Variants in CACNB2 observed in about 807,000 individuals in gnomAD.
CACNB2 encodes calcium voltage-gated channel auxiliary subunit beta 2, also known as voltage-dependent L-type calcium channel subunit beta-2.
Under a neutral mutation model 73.3 loss-of-function variants are expected in CACNB2, and 42 were observed. That is an observed-to-expected ratio of 0.57 (90% CI 0.45 to 0.74). The LOEUF (loss-of-function observed/expected upper bound fraction) is 0.74, where lower values mean the gene tolerates loss of function less well. Ranked by LOEUF, CACNB2 falls within the 30% of genes least tolerant of loss-of-function variation. The pLI is 0.00. For missense variants in CACNB2, 940 were observed against 853.0 expected (o/e 1.10, Z -1.27); for synonymous variants, 348 against 310.3 (o/e 1.12, Z -1.28).
intron 2 of CACNB2, among the ~76,000 whole-genome samples, chr10:18,344,206 G>A (rs566153924): frequency 8.4e-4 from 127 of 152,018 alleles, no homozygotes; most frequent in Non-Finnish European, 1.4e-3. Flanking sequence ...ATGTCCATAA[G>A]GCCTGGTGGC....
At chr10:18,538,101 C>G in intron 12 of CACNB2, 79 bp from the exon 13 acceptor site, 7 of 1,376,472 alleles carry the variant, frequency 5.1e-6, no homozygotes, top group Non-Finnish European at 7.3e-6. Flanking sequence ...CTCATGAGCC[C>G]CTTCCTCCTC....
In CACNB2 at chr10:18,521,076, G is replaced by T. The variant is rs552676321; in HGVS notation, c.944+2108G>T. Among the ~76,000 whole-genome samples the T allele has an allele frequency of 2.0e-5, 3 of 152,312 alleles. No individual in the cohort carries two copies. The South Asian group carries it at 6.2e-4, about 32-fold the overall frequency. On this transcript the variant is annotated intron_variant, in intron 9 of 13. Transcript: ENST00000324631. ...GTGGCCAGATGAATTTTGAATGAAC[G>T]TCTGCTGCATACTCTCTGCTAGAGA...
intron 2 of CACNB2, among the ~76,000 whole-genome samples, chr10:18,354,466 C>A (rs183928395): frequency 6.6e-6 from 1 of 151,998 alleles, no homozygotes; most frequent in Admixed American, 6.6e-5. Flanking sequence ...GGCAGCCGAG[C>A]GCAAGACAGT....
intron 4 of CACNB2, among the ~76,000 whole-genome samples, chr10:18,499,121 T>C (rs1287829837): frequency 6.6e-6 from 1 of 152,216 alleles, no homozygotes; most frequent in African/African-American, 2.4e-5. Context: ...GCCTGCCTTG[T>C]GGAGCACTGT....
chr10:18,153,642 C>A (rs996293539), intron 2 of CACNB2, among the ~76,000 whole-genome samples: 3 of 149,848 alleles, frequency 2.0e-5, no homozygotes, highest in South Asian at 2.2e-4. Flanking sequence ...GGTGCAGTGG[C>A]GCGATCTCGG....
chr10:18,404,164 A>G (rs1243270030), intron 3 of CACNB2, among the ~76,000 whole-genome samples: 1 of 152,152 alleles, frequency 6.6e-6, no homozygotes, highest in Non-Finnish European at 1.5e-5. Flanking sequence ...CTTTAAAATT[A>G]GGTCAATATT....
chr10:18,492,620 C>CAAAAAAAAAA (rs371407084), intron 3 of CACNB2, among the ~76,000 whole-genome samples: 3 of 90,304 alleles, frequency 3.3e-5, no homozygotes, highest in African/African-American at 8.9e-5. Context: ...GACTCTGTCT[C>CAAAAAAAAAA]AAAAAAAAAA....
At chr10:18,499,640 G>GAAT (rs2050073829) in intron 4 of CACNB2, among the ~76,000 whole-genome samples, 6 of 107,318 alleles carry the variant, frequency 5.6e-5, no homozygotes, top group Admixed American at 1.9e-4. Context: ...AAAAAAAAAA[G>GAAT]AACCTAGAAG....
At chr10:18,328,942 G>A (rs1456747512) in intron 2 of CACNB2, among the ~76,000 whole-genome samples, 1 of 152,168 alleles carries the variant, frequency 6.6e-6, no homozygotes, top group Non-Finnish European at 1.5e-5. Flanking sequence ...GATACTCAGA[G>A]AATAGTTTTG....
Position 18,140,602 on chromosome 10 carries a change from G to A in CACNB2, c.-135G>A, listed in dbSNP as rs1004500259. The A allele has an allele frequency of 3.0e-5, 19 of 633,102 alleles. No homozygotes were observed. In the African/African-American group the frequency reaches 3.5e-4, roughly 12 times the overall value. The allele number at this position is 633,102 out of a possible 1,614,324, so 39.2% of individuals were successfully genotyped here. A position where few individuals can be genotyped will look rare whatever the true frequency, so the allele number is the denominator to read the frequency against. On this transcript the variant is annotated 5_prime_UTR_variant, in exon 1 of 14. Transcript: ENST00000324631. ...GCGCCGAGTCCCGGGGCGCTGCGGG[G>A]CGCTGCGCCGAGAACGGCCGGGCCT...
chr10:18,476,069 G>C (rs929180828), intron 3 of CACNB2, among the ~76,000 whole-genome samples: 28 of 152,188 alleles, frequency 1.8e-4, no homozygotes, highest in Admixed American at 1.5e-3. Context: ...GTTATTTCTT[G>C]ATTATATACT....
In CACNB2 at chr10:18,326,560, T is replaced by G. The variant is rs149502384; in HGVS notation, c.214-75364T>G. ...CCTCTGACTGCATTAGATTAAATAC[T>G]GCAAATAAATTGGATCCCATTTGGT... On this transcript the variant is annotated intron_variant, in intron 2 of 13. Transcript: ENST00000324631. Among the ~76,000 whole-genome samples the G allele has an allele frequency of 6.3e-3, 966 of 152,324 alleles. 10 individuals carry two copies. Among genetic ancestry groups the G allele is most frequent in the African/African-American group, 0.022 (918 of 41,566 alleles).
intron 2 of CACNB2, among the ~76,000 whole-genome samples, chr10:18,315,686 C>G (rs1326227347): frequency 6.6e-6 from 1 of 151,628 alleles, no homozygotes; most frequent in African/African-American, 2.4e-5. Context: ...AGAGTAGGAT[C>G]CTGTCCCAAA....
At chr10:18,254,455 TCTC>T (rs1186714696) in intron 2 of CACNB2, among the ~76,000 whole-genome samples, 1 of 152,222 alleles carries the variant, frequency 6.6e-6, no homozygotes, top group East Asian at 1.9e-4. Flanking sequence ...CTTATTTACT[TCTC>T]CTGCTATCTG....
At chr10:18,158,555 A>C (rs1020125913) in intron 2 of CACNB2, among the ~76,000 whole-genome samples, 1 of 152,176 alleles carries the variant, frequency 6.6e-6, no homozygotes, top group Non-Finnish European at 1.5e-5. Flanking sequence ...TTCATTTATC[A>C]TTGTAATAAA....
chr10:18,180,347 G>T (rs1403461293), intron 2 of CACNB2, among the ~76,000 whole-genome samples: 2 of 152,042 alleles, frequency 1.3e-5, no homozygotes. Flanking sequence ...TAGATGAAAT[G>T]TTTAACTCCT....
rs1422234805 is a variant in CACNB2 at position 18,140,794 on chromosome 10, G to A, written c.58G>A (p.Glu20Lys). The change falls in exon 1 of 14, where the codon GAG (glutamate) becomes AAG (lysine). Residue 20 changes from glutamate to lysine, a missense_variant. Physicochemically the swap from Glu to Lys is moderately conservative, Grantham distance 56. Coordinates refer to ENST00000324631, the MANE Select transcript of CACNB2 (RefSeq NM_201596.3). ...CACAGCGGCGGCGGCGGTGGCGCAGGAGATCCAGATGGAACTGCTAGAGAA... is the reference window on the plus strand; with the variant it reads ...CACAGCGGCGGCGGCGGTGGCGCAGAAGATCCAGATGGAACTGCTAGAGAA... ...PPTAAAAVAQ[E>K]IQMELLENVA... 1 of 1,602,682 alleles carries A rather than the reference G, an allele frequency of 6.2e-7. No individual in the cohort carries two copies. Among genetic ancestry groups the A allele is most frequent in the South Asian group, 1.1e-5 (1 of 89,172 alleles).
intron 3 of CACNB2, among the ~76,000 whole-genome samples, chr10:18,469,318 G>C (rs1403994232): frequency 1.3e-5 from 2 of 152,142 alleles, no homozygotes; most frequent in African/African-American, 4.8e-5. Context: ...CATGGACATC[G>C]CCATTGGATG....
intron 2 of CACNB2, among the ~76,000 whole-genome samples, chr10:18,168,155 T>C (rs556874521): frequency 3.7e-4 from 57 of 152,202 alleles, no homozygotes; most frequent in Non-Finnish European, 7.8e-4. Flanking sequence ...ACATGATGGC[T>C]CATGCCTGTA....
Sources: gnomAD v4.1 joint callset for allele counts (sites outside exome capture counted in the v4.1 genomes callset) on GRCh38, gnomAD v4.1.1 for gene constraint, MANE v1.5 for transcripts, NCBI Gene and HGNC (gene_info 2026-07-23, HGNC 2026-07-21) for gene names.